RNF6: variants seen among roughly 807,000 people sequenced by gnomAD.
RNF6 encodes E3 ubiquitin-protein ligase RNF6.
Under a neutral mutation model 50.1 loss-of-function variants are expected in RNF6, and 21 were observed. The ratio of observed to expected loss-of-function variants is 0.42; its 90% CI spans 0.30 to 0.60. The LOEUF is 0.60. RNF6 is among the 20% of genes least tolerant of loss of function. The pLI is 0.20. For missense variants in RNF6, 698 were observed against 838.2 expected (o/e 0.83, Z 2.07); for synonymous variants, 255 against 291.8 (o/e 0.87, Z 1.29).
At chr13:26,132,953 A>G (rs372903158) in intron 5 of RNF6, among the ~76,000 whole-genome samples, 1 of 152,202 alleles carries the variant, frequency 6.6e-6, no homozygotes, top group East Asian at 1.9e-4. Context: ...CATTTCTAAC[A>G]GTTCCCACAA....
chr13:26,138,204 C>A (rs1338585736), intron 5 of RNF6, among the ~76,000 whole-genome samples: 1 of 152,024 alleles, frequency 6.6e-6, no homozygotes, highest in Non-Finnish European at 1.5e-5. Context: ...ATGACATATC[C>A]AAAGTACTGG....
At chr13:26,215,712 G>T in intron 4 of RNF6, 120 bp from the exon 5 acceptor site, 3 of 864,214 alleles carry the variant, frequency 3.5e-6, no homozygotes, top group Non-Finnish European at 5.1e-6. Flanking sequence ...GGATTTTAAT[G>T]AATGAAAGAT....
chr13:26,167,807 G>A (rs1328804575), intron 5 of RNF6, among the ~76,000 whole-genome samples: 9 of 152,158 alleles, frequency 5.9e-5, no homozygotes, highest in East Asian at 3.8e-4. Context: ...CTAAATGCCC[G>A]TCACTGGTGG....
intron 5 of RNF6, among the ~76,000 whole-genome samples, chr13:26,163,873 A>G (rs534854266): frequency 6.6e-6 from 1 of 152,358 alleles, no homozygotes; most frequent in South Asian, 2.1e-4. Flanking sequence ...CTGCCGCTTA[A>G]CAGCCAGGTA....
Position 26,213,446 on chromosome 13 carries a change from G to C in RNF6, c.*378C>G, listed in dbSNP as rs529658384. On this transcript the variant is annotated 3_prime_UTR_variant, in exon 5 of 5. Transcript: ENST00000381588. ...AAGCTTATTTAGACACAAATGTCTA[G>C]ATATAAGTACTAAGCCTATGAAACT... is the stretch of plus-strand genomic sequence containing the variant. 8 of 157,608 alleles carry C rather than the reference G, an allele frequency of 5.1e-5. No homozygotes were observed. The highest frequency in any genetic ancestry group is 1.9e-4 in the African/African-American group (8 of 41,734). 9.8% of individuals were successfully genotyped at this position (157,608 alleles called of 1,614,324 possible).
At chr13:26,143,478 C>T (rs1021740257) in intron 5 of RNF6, among the ~76,000 whole-genome samples, 2 of 152,150 alleles carry the variant, frequency 1.3e-5, no homozygotes, top group African/African-American at 4.8e-5. Context: ...GCATTCTTCT[C>T]TTCAAAACTA....
intron 5 of RNF6, among the ~76,000 whole-genome samples, chr13:26,136,532 A>G (rs1350072134): frequency 6.6e-6 from 1 of 152,214 alleles, no homozygotes; most frequent in Non-Finnish European, 1.5e-5. Flanking sequence ...TCCATGTCAA[A>G]TGACAACACA....
intron 5 of RNF6, among the ~76,000 whole-genome samples, chr13:26,147,742 TGG>T (rs1487078859): frequency 1.3e-5 from 2 of 152,214 alleles, no homozygotes; most frequent in Non-Finnish European, 2.9e-5. Flanking sequence ...GATAAGATTC[TGG>T]GTCTTATTTT....
At chr13:26,136,412 G>A (rs1332334663) in intron 5 of RNF6, among the ~76,000 whole-genome samples, 2 of 152,200 alleles carry the variant, frequency 1.3e-5, no homozygotes, top group Non-Finnish European at 2.9e-5. Flanking sequence ...CAGAACAAGT[G>A]TGAATAGAGC....
chr13:26,216,627 C>T (rs913930853), intron 4 of RNF6, among the ~76,000 whole-genome samples: 2 of 152,140 alleles, frequency 1.3e-5, no homozygotes, highest in African/African-American at 4.8e-5. Context: ...ATTAACTACA[C>T]AAACTTCAAC....
chr13:26,176,976 A>G (rs947515705), intron 5 of RNF6, among the ~76,000 whole-genome samples: 11 of 152,158 alleles, frequency 7.2e-5, no homozygotes, highest in African/African-American at 2.7e-4. Flanking sequence ...ATGCCAGGTG[A>G]AGACAGAGAC....
chr13:26,177,655 C>T (rs1873026846), intron 5 of RNF6, among the ~76,000 whole-genome samples: 1 of 152,210 alleles, frequency 6.6e-6, no homozygotes, highest in Admixed American at 6.5e-5. Context: ...ACAACCTATC[C>T]TCTTGTTCTA....
At chr13:26,211,163 TTAAAGAA>T (rs1440862272), downstream of RNF6, among the ~76,000 whole-genome samples, 6 of 152,198 alleles carry the variant, frequency 3.9e-5, no homozygotes, top group Non-Finnish European at 7.3e-5. Flanking sequence ...AATGAAAATA[TTAAAGAA>T]TATCCTTTTT....
chr13:26,164,066 G>A (rs1409832963), intron 5 of RNF6, among the ~76,000 whole-genome samples: 5 of 152,120 alleles, frequency 3.3e-5, no homozygotes, highest in Admixed American at 1.3e-4. Context: ...TGTTTTAATC[G>A]AAAAGAAAAT....
chr13:26,166,083 C>T (rs551411934), intron 5 of RNF6, among the ~76,000 whole-genome samples: 28 of 152,232 alleles, frequency 1.8e-4, no homozygotes, highest in African/African-American at 6.5e-4. Context: ...AATTGAATCA[C>T]AGGGGCAGGC....
chr13:26,210,109 C>T (rs549181356), downstream of RNF6, among the ~76,000 whole-genome samples: 56 of 152,280 alleles, frequency 3.7e-4, no homozygotes, highest in Non-Finnish European at 6.9e-4. Context: ...CCATCATCAT[C>T]TTTTGAAACG....
intron 5 of RNF6, among the ~76,000 whole-genome samples, chr13:26,148,247 A>G (rs1034806612): frequency 6.6e-6 from 1 of 152,100 alleles, no homozygotes; most frequent in African/African-American, 2.4e-5. Context: ...CCCATGATCC[A>G]ATCACCTCCT....
chr13:26,149,937 G>T lies in RNF6; in HGVS notation n.769-17486C>A, dbSNP rs1007379815. ...TATAATGTGTATATATATATACACAGTGTATATATAATGTGTATATATATA... is the reference window on the plus strand; with the variant it reads ...TATAATGTGTATATATATATACACATTGTATATATAATGTGTATATATATA... On this transcript the variant is annotated intron_variant and non_coding_transcript_variant, in intron 5 of 5. Coordinates refer to the RNF6 transcript ENST00000468480. Among the ~76,000 whole-genome samples, 44 of 83,248 alleles carry T rather than the reference G, an allele frequency of 5.3e-4. 5 individuals are homozygous for T. Among genetic ancestry groups the T allele is most frequent in the Middle Eastern group, 7.8e-3 (1 of 128 alleles). 54.6% of individuals were successfully genotyped at this position (83,248 alleles called of 152,430 possible).
intron 5 of RNF6, among the ~76,000 whole-genome samples, chr13:26,185,964 C>CTTT (rs1259193391): frequency 4.6e-5 from 7 of 152,224 alleles, no homozygotes; most frequent in African/African-American, 1.7e-4. Flanking sequence ...CAGTAAGAGG[C>CTTT]AAAAGAGCCA....
Sources: gnomAD v4.1 joint callset for allele counts (sites outside exome capture counted in the v4.1 genomes callset) on GRCh38, gnomAD v4.1.1 for gene constraint, MANE v1.5 for transcripts, NCBI Gene and HGNC (gene_info 2026-07-23, HGNC 2026-07-21) for gene names.